PLEKHM3: variants seen among roughly 807,000 people sequenced by gnomAD.
PLEKHM3 encodes the protein pleckstrin homology domain containing M3.
A neutral mutation model predicts 81.8 loss-of-function variants in PLEKHM3; 45 were observed. The observed-to-expected ratio is 0.55, with a 90% CI of 0.43 to 0.71. The LOEUF is 0.71. PLEKHM3 is among the 30% of genes least tolerant of loss of function. The pLI, the probability that PLEKHM3 is intolerant of heterozygous loss-of-function variation, is 0.00. For missense variants in PLEKHM3, 788 were observed against 924.3 expected, an observed-to-expected ratio of 0.85 and a Z score of 1.91; for synonymous variants, 352 against 356.4, an observed-to-expected ratio of 0.99 and a Z score of 0.14.
chr2:207,950,443 G>A (rs1690291787), intron 3 of PLEKHM3, among the ~76,000 whole-genome samples: 1 of 152,198 alleles, frequency 6.6e-6, no homozygotes, highest in African/African-American at 2.4e-5. Flanking sequence ...CCAAATTTGA[G>A]TGAGCAATGG....
At chr2:207,948,183 C>A (rs1488856809) in intron 3 of PLEKHM3, among the ~76,000 whole-genome samples, 1 of 152,122 alleles carries the variant, frequency 6.6e-6, no homozygotes, top group Non-Finnish European at 1.5e-5. Flanking sequence ...TCCTGATTGA[C>A]AAAGGACATC....
intron 7 of PLEKHM3, among the ~76,000 whole-genome samples, chr2:207,838,573 T>C (rs1219833415): frequency 6.6e-6 from 1 of 152,238 alleles, no homozygotes; most frequent in Non-Finnish European, 1.5e-5. Flanking sequence ...TTGTGGATGG[T>C]GACTGAACTT....
chr2:207,857,093 T>C (rs949723431), intron 7 of PLEKHM3, among the ~76,000 whole-genome samples: 8 of 152,196 alleles, frequency 5.3e-5, no homozygotes, highest in African/African-American at 2.4e-5. Flanking sequence ...AGTTTAACTA[T>C]ATGCTTAGGG....
At chr2:207,985,920 GGAGCTTGCAGT>G (rs1691702377) in intron 2 of PLEKHM3, among the ~76,000 whole-genome samples, 1 of 151,354 alleles carries the variant, frequency 6.6e-6, no homozygotes. Flanking sequence ...CCTGGGAGGT[GGAGCTTGCAGT>G]GAGCCGAGAT....
chr2:207,882,362 A>G (rs570736213), intron 6 of PLEKHM3, among the ~76,000 whole-genome samples: 3 of 152,292 alleles, frequency 2.0e-5, no homozygotes, highest in South Asian at 4.1e-4. Flanking sequence ...CTGTAATCAT[A>G]GCACTTTGGG....
At chr2:207,842,613 C>T (rs914270796) in intron 7 of PLEKHM3, among the ~76,000 whole-genome samples, 1 of 152,136 alleles carries the variant, frequency 6.6e-6, no homozygotes, top group Non-Finnish European at 1.5e-5. Context: ...AAGGCCTGAA[C>T]AGCAAAGCAT....
intron 1 of PLEKHM3, among the ~76,000 whole-genome samples, chr2:208,016,430 C>T (rs1250775386): frequency 1.3e-5 from 2 of 151,670 alleles, no homozygotes; most frequent in African/African-American, 4.8e-5. Context: ...GGTGGATCTC[C>T]TGAGCTCAGG....
Position 207,828,218 on chromosome 2 carries a change from C to T in PLEKHM3, c.*101G>A. The T allele has an allele frequency of 9.0e-7, 1 of 1,117,122 alleles. No individual in the cohort carries two copies. Among genetic ancestry groups the T allele is most frequent in the Non-Finnish European group, 1.3e-6 (1 of 775,568 alleles). 69.2% of individuals were successfully genotyped at this position (1,117,122 alleles called of 1,614,324 possible). Reference sequence around the variant, plus strand: ...TATCTATATCTAGTTGAAGAGGATACATACTCTTCTTCCAAAGGGGTCTAA... The same window carrying T: ...TATCTATATCTAGTTGAAGAGGATATATACTCTTCTTCCAAAGGGGTCTAA... On this transcript the variant is annotated 3_prime_UTR_variant, in exon 8 of 8. Coordinates refer to ENST00000427836, the MANE Select transcript of PLEKHM3 (RefSeq NM_001080475.3).
chr2:207,866,961 G>T (rs1559213441), intron 6 of PLEKHM3, among the ~76,000 whole-genome samples: 1 of 152,158 alleles, frequency 6.6e-6, no homozygotes. Flanking sequence ...ATTTAAAAAT[G>T]ATGATATTTG....
At chr2:207,846,239 T>C (rs1463585538) in intron 7 of PLEKHM3, among the ~76,000 whole-genome samples, 1 of 151,978 alleles carries the variant, frequency 6.6e-6, no homozygotes, top group East Asian at 1.9e-4. Context: ...GCCTCCTGGG[T>C]TTAAGCAGTT....
chr2:207,874,748 T>C (rs894407798), intron 6 of PLEKHM3, among the ~76,000 whole-genome samples: 1 of 151,680 alleles, frequency 6.6e-6, no homozygotes, highest in Admixed American at 6.6e-5. Flanking sequence ...CACACCACCA[T>C]GCTCGGCTAA....
intron 2 of PLEKHM3, among the ~76,000 whole-genome samples, chr2:207,992,125 A>C (rs996625071): frequency 6.6e-6 from 1 of 152,204 alleles, no homozygotes; most frequent in Non-Finnish European, 1.5e-5. Context: ...TCTAGATCAC[A>C]CTGTGTTTTA....
intron 6 of PLEKHM3, among the ~76,000 whole-genome samples, chr2:207,903,567 A>C (rs963851761): frequency 5.3e-5 from 8 of 152,348 alleles, no homozygotes; most frequent in Non-Finnish European, 4.4e-5. Context: ...CAAAATTTAA[A>C]AGTAAAATCT....
At chr2:207,981,303 C>T (rs1366312930) in intron 2 of PLEKHM3, among the ~76,000 whole-genome samples, 1 of 151,990 alleles carries the variant, frequency 6.6e-6, no homozygotes, top group African/African-American at 2.4e-5. Flanking sequence ...GGCTAGAGAA[C>T]TACCATCTCT....
At chr2:207,982,578 C>CT (rs34116964) in intron 2 of PLEKHM3, among the ~76,000 whole-genome samples, 4,861 of 129,134 alleles carry the variant, frequency 0.038, 310 homozygotes, top group African/African-American at 0.13. Flanking sequence ...CATTGATTTT[C>CT]TTTTTTTTTT....
intron 1 of PLEKHM3, among the ~76,000 whole-genome samples, chr2:208,020,880 G>A (rs1693108097): frequency 6.6e-6 from 1 of 152,014 alleles, no homozygotes; most frequent in East Asian, 1.9e-4. Flanking sequence ...GGTGACAATG[G>A]GAAAATAAAA....
chr2:208,000,924 A>C, intron 2 of PLEKHM3, 106 bp downstream of exon 2: 3 of 1,102,556 alleles, frequency 2.7e-6, no homozygotes, highest in Non-Finnish European at 3.7e-6. Context: ...GGAAAAACCA[A>C]CAATGATTCA....
chr2:208,013,463 C>T (rs1692770559), intron 1 of PLEKHM3, among the ~76,000 whole-genome samples: 1 of 151,872 alleles, frequency 6.6e-6, no homozygotes, highest in Non-Finnish European at 1.5e-5. Context: ...TTGTGGTGAG[C>T]CGAGATCACA....
At chr2:207,899,726 C>G (rs192877540) in intron 6 of PLEKHM3, among the ~76,000 whole-genome samples, 3 of 152,188 alleles carry the variant, frequency 2.0e-5, no homozygotes, top group Non-Finnish European at 4.4e-5. Flanking sequence ...GACAATTTAT[C>G]AGAATAATCC....
Sources: gnomAD v4.1 joint callset for allele counts (sites outside exome capture counted in the v4.1 genomes callset) on GRCh38, gnomAD v4.1.1 for gene constraint, MANE v1.5 for transcripts, NCBI Gene and HGNC (gene_info 2026-07-23, HGNC 2026-07-21) for gene names.